MYO1B: variants seen among roughly 807,000 people sequenced by gnomAD.
MYO1B encodes the protein myosin IB, also known as unconventional myosin-Ib.
MYO1B carries 72 observed loss-of-function variants against 159.7 expected under a neutral mutation model. The observed-to-expected ratio is 0.45, with a 90% CI of 0.37 to 0.55. MYO1B has a LOEUF of 0.55. Among genes scored for constraint, MYO1B ranks in the 20% least tolerant of loss-of-function variants. The pLI is 0.00. For missense variants in MYO1B, 1,062 were observed against 1,364.8 expected (o/e 0.78, Z 3.50); for synonymous variants, 468 against 473.8 (o/e 0.99, Z 0.16).
chr2:191,288,553 T>G (rs578098388), intron 2 of MYO1B, among the ~76,000 whole-genome samples: 1 of 152,338 alleles, frequency 6.6e-6, no homozygotes, highest in South Asian at 2.1e-4. Flanking sequence ...AATTTTATGT[T>G]TCTCTATCTA....
Position 191,386,081 on chromosome 2 carries a change from A to G in MYO1B, c.1551A>G (p.Gly517=), listed in dbSNP as rs1373543750. 1.2e-6 allele frequency: 2 copies of G among 1,614,038 alleles called. No individual in the cohort carries two copies. Among genetic ancestry groups the G allele is most frequent in the East Asian group, 2.2e-5 (1 of 44,886 alleles). The change falls in exon 16 of 31, where the codon GGA becomes GGG. Residue 517 remains glycine (G), a synonymous_variant. Coordinates refer to ENST00000392318, the MANE Select transcript of MYO1B (RefSeq NM_001130158.3). ...GCTTCAGGATCCAGCATTATGCTGG[A>G]AAGGTATGGGGGAGCTGTGAGCACC... is the stretch of plus-strand genomic sequence containing the variant. The part of the protein sequence containing the change: ...HSCFRIQHYA[G]KVLYQVEGFV...
At chr2:191,321,020 AGAG>A (rs1473892508) in intron 3 of MYO1B, among the ~76,000 whole-genome samples, 2 of 152,216 alleles carry the variant, frequency 1.3e-5, no homozygotes, top group East Asian at 3.9e-4. Context: ...TGTCAGAGTT[AGAG>A]GAGAGTGTTT....
intron 3 of MYO1B, among the ~76,000 whole-genome samples, chr2:191,317,269 A>G (rs1310287895): frequency 5.3e-5 from 8 of 152,160 alleles, no homozygotes; most frequent in African/African-American, 1.9e-4. Flanking sequence ...TAAAAGTGAT[A>G]CTTGTTCAAA....
rs1688251760 is a variant in MYO1B at position 191,284,535 on chromosome 2, T to C, written c.135+7505T>C. The stretch of plus-strand genomic sequence containing the variant: ...GGGATTAAGGGACATCTTAGTCCAG[T>C]GCCTATCACATGATGAAAGTGGAGT... On this transcript the variant is annotated intron_variant, in intron 2 of 30. Coordinates refer to ENST00000392318, the MANE Select transcript of MYO1B (RefSeq NM_001130158.3). 1.3e-5 allele frequency among the ~76,000 whole-genome samples: 2 copies of C among 152,220 alleles called. 1 individual carries two copies. Among genetic ancestry groups the C allele is most frequent in the South Asian group, 4.1e-4 (2 of 4,832 alleles).
intron 3 of MYO1B, among the ~76,000 whole-genome samples, chr2:191,317,602 A>T (rs1432894724): frequency 6.6e-6 from 1 of 152,206 alleles, no homozygotes; most frequent in East Asian, 1.9e-4. Flanking sequence ...AGCGTTAGGT[A>T]TATCTCCTAA....
Position 191,296,136 on chromosome 2 carries a change from C to A in MYO1B, c.161C>A (p.Ser54Tyr). 3 of 1,603,052 alleles carry A rather than the reference C, an allele frequency of 1.9e-6. No individual in the cohort carries two copies. The highest frequency in any genetic ancestry group is 1.1e-5 in the South Asian group (1 of 89,896). ...IYTYIGSVVI[S>Y]VNPYRSLPIY... is the part of the protein sequence containing the mutation. Reference sequence around the variant, plus strand: ...ACATACATTGGAAGTGTGGTTATATCTGTTAACCCATACCGGTCTTTACCC... The same window carrying A: ...ACATACATTGGAAGTGTGGTTATATATGTTAACCCATACCGGTCTTTACCC... Residue 54 changes from serine to tyrosine, a missense_variant, in exon 3 of 31, where the codon TCT becomes TAT. By Grantham distance (144) the Ser-to-Tyr change is moderately radical. Coordinates refer to ENST00000392318, the MANE Select transcript of MYO1B (RefSeq NM_001130158.3).
chr2:191,256,190 G>A (rs534076834), intron 1 of MYO1B, among the ~76,000 whole-genome samples: 1 of 152,310 alleles, frequency 6.6e-6, no homozygotes, highest in Non-Finnish European at 1.5e-5. Context: ...GCTATGTGGT[G>A]CAGTGGTTAT....
intron 3 of MYO1B, among the ~76,000 whole-genome samples, chr2:191,311,901 C>G (rs1029601111): frequency 6.6e-6 from 1 of 152,084 alleles, no homozygotes; most frequent in Admixed American, 6.6e-5. Context: ...GTCATTGTTC[C>G]TAAAACAAGT....
intron 4 of MYO1B, 147 bp from the exon 5 acceptor site, chr2:191,341,314 G>A: frequency 1.8e-6 from 1 of 568,234 alleles, no homozygotes; most frequent in Non-Finnish European, 3.1e-6. Context: ...AAATATTTTA[G>A]AAAGGTATCC....
intron 30 of MYO1B, among the ~76,000 whole-genome samples, chr2:191,419,759 T>C (rs1697823536): frequency 6.6e-6 from 1 of 152,148 alleles, no homozygotes; most frequent in Non-Finnish European, 1.5e-5. Context: ...TGTTTGTATC[T>C]TAGTTTTTAA....
At position 191,424,154 on chromosome 2, in the gene MYO1B, G is replaced by C. The variant is rs1284889171; in HGVS notation, c.*194G>C. On this transcript the variant is annotated 3_prime_UTR_variant, in exon 31 of 31. Coordinates refer to ENST00000392318, the MANE Select transcript of MYO1B (RefSeq NM_001130158.3). ...CCTTTCAAATACATGTTCTGTCCTG[G>C]AGCAGGATTGTAGAAACTAACAGTG... 2 of 619,186 alleles carry C rather than the reference G, an allele frequency of 3.2e-6. No individual in the cohort carries two copies. The highest frequency in any genetic ancestry group is 5.2e-5 in the South Asian group (2 of 38,588). 38.4% of individuals were successfully genotyped at this position (619,186 alleles called of 1,614,324 possible).
intron 21 of MYO1B, among the ~76,000 whole-genome samples, chr2:191,398,322 G>A (rs1175206439): frequency 8.1e-6 from 1 of 123,642 alleles, no homozygotes; most frequent in Admixed American, 7.5e-5. Context: ...CCTGGGCTGG[G>A]CGGCTGGCCG....
chr2:191,363,388 G>C (rs545042734), intron 9 of MYO1B, among the ~76,000 whole-genome samples: 1 of 152,232 alleles, frequency 6.6e-6, no homozygotes, highest in South Asian at 2.1e-4. Context: ...TTTGTATGGA[G>C]TTGTGCAAGT....
chr2:191,272,643 A>T (rs1687521504), intron 1 of MYO1B, among the ~76,000 whole-genome samples: 1 of 152,242 alleles, frequency 6.6e-6, no homozygotes, highest in Non-Finnish European at 1.5e-5. Flanking sequence ...CCTTTCAGAC[A>T]GTCCAGTTTC....
chr2:191,325,414 T>C (rs143444243), intron 3 of MYO1B, among the ~76,000 whole-genome samples: 2 of 152,264 alleles, frequency 1.3e-5, no homozygotes, highest in Middle Eastern at 3.4e-3. Flanking sequence ...GAAACAGTTA[T>C]CTAAGTTCAG....
intron 21 of MYO1B, among the ~76,000 whole-genome samples, chr2:191,399,155 A>T (rs536880040): frequency 6.6e-6 from 1 of 151,986 alleles, no homozygotes; most frequent in Non-Finnish European, 1.5e-5. Context: ...AATCGCAGGC[A>T]CTCGGCAGGC....
Position 191,408,105 on chromosome 2 carries a change from C to T in MYO1B, c.2557-10C>T. The T allele has an allele frequency of 6.2e-7, 1 of 1,601,626 alleles. No homozygotes were observed. The highest frequency in any genetic ancestry group is 8.6e-7 in the Non-Finnish European group (1 of 1,169,062). ...CATTAACCACTGTAACCTACATCTT[C>T]TTTTTAAAGGTACGTAGAGAATACA... On this transcript the variant is annotated splice_polypyrimidine_tract_variant and intron_variant, in intron 24 of 30. Coordinates refer to ENST00000392318, the MANE Select transcript of MYO1B (RefSeq NM_001130158.3).
intron 3 of MYO1B, among the ~76,000 whole-genome samples, chr2:191,310,256 G>C (rs952911046): frequency 6.6e-6 from 1 of 152,134 alleles, no homozygotes; most frequent in African/African-American, 2.4e-5. Context: ...AGTCTGGAGT[G>C]CAGTGGCGCA....
chr2:191,297,649 G>A (rs1397207391), intron 3 of MYO1B, among the ~76,000 whole-genome samples: 1 of 152,128 alleles, frequency 6.6e-6, no homozygotes, highest in South Asian at 2.1e-4. Context: ...TCTTGGTTGC[G>A]GAAAAGATTT....
Sources: gnomAD v4.1 joint callset for allele counts (sites outside exome capture counted in the v4.1 genomes callset) on GRCh38, gnomAD v4.1.1 for gene constraint, MANE v1.5 for transcripts, NCBI Gene and HGNC (gene_info 2026-07-23, HGNC 2026-07-21) for gene names.